The following RALGAPA2 variants were observed in gnomAD, a reference collection of about 807,000 sequenced individuals.
The protein encoded by RALGAPA2 is Ral GTPase activating protein catalytic subunit alpha 2, also known as ral GTPase-activating protein subunit alpha-2.
Under a neutral mutation model 230.4 loss-of-function variants are expected in RALGAPA2, and 139 were observed. That is an observed-to-expected ratio of 0.60 (90% CI 0.53 to 0.69). The LOEUF (loss-of-function observed/expected upper bound fraction) is 0.69. Among genes scored for constraint, RALGAPA2 ranks in the 30% least tolerant of loss-of-function variants. The pLI, the probability that RALGAPA2 is intolerant of heterozygous loss-of-function variation, is 0.00. For synonymous variants in RALGAPA2, 847 were observed against 837.8 expected, an observed-to-expected ratio of 1.01 and a Z score of -0.19; for missense variants, 2,163 against 2,276.0, an observed-to-expected ratio of 0.95 and a Z score of 1.01.
At chr20:20,683,433 T>C (rs773927758) in intron 1 of RALGAPA2, among the ~76,000 whole-genome samples, 4 of 152,190 alleles carry the variant, frequency 2.6e-5, no homozygotes, top group African/African-American at 7.2e-5. Flanking sequence ...CCTGCCTGAT[T>C]TCCCCCACTC....
chr20:20,495,409 T>C, intron 35 of RALGAPA2, 134 bp from the exon 36 acceptor site: 1 of 657,028 alleles, frequency 1.5e-6, no homozygotes, highest in East Asian at 2.8e-5. Flanking sequence ...AACATTGATG[T>C]TCTTCTGTGA....
chr20:20,505,474 T>G lies in RALGAPA2; in HGVS notation c.4989A>C (p.Ser1663=). The change falls in exon 34 of 40, where the codon TCA becomes TCC. Residue 1663 remains serine, a synonymous_variant. Coordinates refer to ENST00000202677, the MANE Select transcript of RALGAPA2 (RefSeq NM_020343.4). Reference sequence around the variant, plus strand: ...GGCTTCCTCTTTCATTAGAGAGGATTGAACACTTGTCTTCTTGACCTTCAG... The same window carrying G: ...GGCTTCCTCTTTCATTAGAGAGGATGGAACACTTGTCTTCTTGACCTTCAG... ...YIAEGQEDKC[S]ILSNERGSQA... 1.2e-6 allele frequency: 2 copies of G among 1,604,826 alleles called. No homozygotes were observed. The highest frequency in any genetic ancestry group is 2.2e-5 in the East Asian group (1 of 44,684).
chr20:20,616,688 C>T (rs930707760), intron 12 of RALGAPA2, among the ~76,000 whole-genome samples: 17 of 152,174 alleles, frequency 1.1e-4, no homozygotes, highest in Non-Finnish European at 1.9e-4. Context: ...GACAGCACCA[C>T]TCAACAGGGG....
chr20:20,473,352 A>G (rs2061580268), intron 36 of RALGAPA2, among the ~76,000 whole-genome samples: 1 of 152,176 alleles, frequency 6.6e-6, no homozygotes, highest in Admixed American at 6.5e-5. Flanking sequence ...TGTTCCTGCC[A>G]TGGGTCCTGA....
Position 20,437,894 on chromosome 20 carries a change from T to C in RALGAPA2, c.5496-25746A>G, listed in dbSNP as rs1556029240. On this transcript the variant is annotated intron_variant, in intron 37 of 39. Transcript: ENST00000202677. The surrounding 1 kb of genome is among the most constrained non-coding windows in gnomAD (Gnocchi z 4.1). ...GCACCCAGAGAACAGGCCCCATACC[T>C]ACAGAGTCTCAGAAACCACTCTCGC... Among the ~76,000 whole-genome samples the C allele has an allele frequency of 1.3e-5, 2 of 152,140 alleles. No individual in the cohort carries two copies. The highest frequency in any genetic ancestry group is 2.9e-5 in the Non-Finnish European group (2 of 68,018).
At chr20:20,492,941 A>T (rs917791353) in intron 36 of RALGAPA2, among the ~76,000 whole-genome samples, 1 of 152,232 alleles carries the variant, frequency 6.6e-6, no homozygotes, top group Non-Finnish European at 1.5e-5. Context: ...CAATATAACA[A>T]AAGTAACAGC....
chr20:20,424,720 G>A (rs2060345025), intron 37 of RALGAPA2, among the ~76,000 whole-genome samples: 1 of 152,030 alleles, frequency 6.6e-6, no homozygotes, highest in African/African-American at 2.4e-5. Flanking sequence ...GTTAATGGGT[G>A]CAGCACACCA....
chr20:20,635,340 C>A (rs1332222161), intron 9 of RALGAPA2, 78 bp downstream of exon 9: 8 of 1,414,476 alleles, frequency 5.7e-6, no homozygotes, highest in Non-Finnish European at 6.9e-6. Flanking sequence ...ATAACTCTAA[C>A]AATCAATAAC....
At chr20:20,422,601 G>A (rs1471616603) in intron 37 of RALGAPA2, among the ~76,000 whole-genome samples, 2 of 152,130 alleles carry the variant, frequency 1.3e-5, no homozygotes, top group African/African-American at 2.4e-5. Context: ...AATGCCTAGT[G>A]GTACGCAGTG....
intron 10 of RALGAPA2, among the ~76,000 whole-genome samples, chr20:20,621,324 C>G (rs1273880954): frequency 6.6e-6 from 1 of 152,184 alleles, no homozygotes; most frequent in African/African-American, 2.4e-5. Context: ...CATGCTGGTA[C>G]AGCAAGTGGC....
chr20:20,541,746 G>T (rs1367782764), intron 24 of RALGAPA2, among the ~76,000 whole-genome samples: 1 of 152,122 alleles, frequency 6.6e-6, no homozygotes, highest in Non-Finnish European at 1.5e-5. Context: ...GATAAAGTGG[G>T]GCTACTGTAC....
intron 3 of RALGAPA2, among the ~76,000 whole-genome samples, chr20:20,656,453 T>C (rs1378253971): frequency 6.6e-6 from 1 of 152,204 alleles, no homozygotes; most frequent in Non-Finnish European, 1.5e-5. Context: ...ACAACCTTTG[T>C]AAGCCAGACA....
intron 37 of RALGAPA2, among the ~76,000 whole-genome samples, chr20:20,457,642 G>A (rs564908008): frequency 2.7e-4 from 41 of 152,366 alleles, no homozygotes; most frequent in African/African-American, 9.6e-4. Context: ...CCAAACTGGT[G>A]TCCTTATGTA....
At chr20:20,536,404 T>G (rs2063498748) in intron 25 of RALGAPA2, among the ~76,000 whole-genome samples, 3 of 152,224 alleles carry the variant, frequency 2.0e-5, no homozygotes, top group Admixed American at 6.5e-5. Context: ...ATTATGATCC[T>G]TAGGTCCAAT....
At chr20:20,490,861 A>AACACAC (rs34230105) in intron 36 of RALGAPA2, among the ~76,000 whole-genome samples, 3,368 of 142,252 alleles carry the variant, frequency 0.024, 50 homozygotes, top group African/African-American at 0.048. Flanking sequence ...AACACACATG[A>AACACAC]ACACACACAC....
intron 24 of RALGAPA2, among the ~76,000 whole-genome samples, chr20:20,541,991 A>G (rs151172216): frequency 2.6e-5 from 4 of 152,338 alleles, no homozygotes; most frequent in South Asian, 2.1e-4. Flanking sequence ...AGATGACATG[A>G]TTGTATATTT....
chr20:20,500,367 T>C (rs945002580), intron 35 of RALGAPA2, among the ~76,000 whole-genome samples: 5 of 152,226 alleles, frequency 3.3e-5, no homozygotes, highest in African/African-American at 1.2e-4. Context: ...ACCAATTAAA[T>C]TTATGGAATA....
At chr20:20,645,183 C>T (rs1410176627) in intron 4 of RALGAPA2, among the ~76,000 whole-genome samples, 1 of 134,846 alleles carries the variant, frequency 7.4e-6, no homozygotes, top group Non-Finnish European at 1.5e-5. Flanking sequence ...GGTACGATCT[C>T]GGCTCACTGC....
chr20:20,670,563 C>T (rs1012829416), intron 3 of RALGAPA2, among the ~76,000 whole-genome samples: 2 of 151,968 alleles, frequency 1.3e-5, no homozygotes, highest in Non-Finnish European at 2.9e-5. Flanking sequence ...CATCATCATC[C>T]CCACATCTCC....
Sources: gnomAD v4.1 joint callset for allele counts (sites outside exome capture counted in the v4.1 genomes callset) on GRCh38, gnomAD v4.1.1 for gene constraint, Gnocchi (gnomAD v3.1) non-coding constraint, MANE v1.5 for transcripts, NCBI Gene and HGNC (gene_info 2026-07-23, HGNC 2026-07-21) for gene names.